The following CCDC146 variants were observed in gnomAD, a reference collection of about 807,000 sequenced individuals.
CCDC146 encodes coiled-coil domain containing 146.
Under a neutral mutation model 119.3 loss-of-function variants are expected in CCDC146, and 92 were observed. The observed-to-expected ratio is 0.77, with a 90% CI of 0.65 to 0.92. The LOEUF (loss-of-function observed/expected upper bound fraction) is 0.92. Among genes scored for constraint, CCDC146 ranks in the 40% least tolerant of loss-of-function variants. CCDC146 has a pLI of 0.00. For synonymous variants in CCDC146, 372 were observed against 371.8 expected (o/e 1.00, Z -0.01); for missense variants, 1,000 against 1,103.0 (o/e 0.91, Z 1.32).
At chr7:77,230,423 T>C (rs889238502) in intron 2 of CCDC146, among the ~76,000 whole-genome samples, 29 of 152,284 alleles carry the variant, frequency 1.9e-4, no homozygotes, top group African/African-American at 5.3e-4. Context: ...TGGTTTATAT[T>C]GGAATGTCTT....
intron 1 of CCDC146, among the ~76,000 whole-genome samples, chr7:77,127,335 T>C (rs1219497246): frequency 6.6e-6 from 1 of 152,088 alleles, no homozygotes; most frequent in Non-Finnish European, 1.5e-5. Flanking sequence ...GATCTACAGC[T>C]GCAGTTTGGG....
At chr7:77,213,256 A>C (rs1337530500) in intron 2 of CCDC146, among the ~76,000 whole-genome samples, 1 of 150,388 alleles carries the variant, frequency 6.6e-6, no homozygotes, top group Non-Finnish European at 1.5e-5. Flanking sequence ...TGCTTGACTA[A>C]TTTTTTTTTA....
chr7:77,222,313 C>T (rs1040825295), intron 2 of CCDC146, among the ~76,000 whole-genome samples: 21 of 152,154 alleles, frequency 1.4e-4, no homozygotes, highest in East Asian at 3.9e-4. Context: ...GAAGGGCACT[C>T]GGGGATGCCT....
At chr7:77,249,453 A>T (rs1209991741) in intron 4 of CCDC146, among the ~76,000 whole-genome samples, 1 of 145,244 alleles carries the variant, frequency 6.9e-6, no homozygotes, top group Non-Finnish European at 1.5e-5. Context: ...GCACCACTGC[A>T]CTCCAGCCTG....
chr7:77,199,887 G>A, intron 2 of CCDC146: 4 of 1,427,896 alleles, frequency 2.8e-6, no homozygotes, highest in Non-Finnish European at 3.8e-6. Context: ...GTGTTCCCAG[G>A]AAAGGGTGGG....
rs749564425 is a variant in CCDC146, at chr7:77,286,843, G to T, written c.2194G>T (p.Val732Leu). Residue 732 changes from valine to leucine, a missense_variant, in exon 16 of 19, where the codon GTA (valine) becomes TTA (leucine). By Grantham distance (32) the Val-to-Leu change is conservative. Transcript: ENST00000285871. ...DRIKDLEKQF[V>L]KPDGENRARF... ...AATTAAAGACCTGGAGAAACAGTTC[G>T]TAAAGCCTGATGGTGAGAATAGAGC... 3 of 1,613,796 alleles carry T rather than the reference G, an allele frequency of 1.9e-6. No individual in the cohort carries two copies. The highest frequency in any genetic ancestry group is 2.5e-6 in the Non-Finnish European group (3 of 1,179,676).
At chr7:77,258,649 T>G (rs1249203099) in intron 6 of CCDC146, among the ~76,000 whole-genome samples, 1 of 152,140 alleles carries the variant, frequency 6.6e-6, no homozygotes, top group Non-Finnish European at 1.5e-5. Context: ...TTTCAGTAGG[T>G]TAGGTGTATT....
At chr7:77,138,549 TA>T (rs1254221796) in intron 1 of CCDC146, among the ~76,000 whole-genome samples, 1 of 152,148 alleles carries the variant, frequency 6.6e-6, no homozygotes, top group Non-Finnish European at 1.5e-5. Context: ...CACTGAAATT[TA>T]AAAGTTCTGC....
intron 2 of CCDC146, among the ~76,000 whole-genome samples, chr7:77,204,708 A>G (rs1442048078): frequency 1.3e-5 from 2 of 152,242 alleles, no homozygotes; most frequent in African/African-American, 4.8e-5. Context: ...ATACCTATCA[A>G]CAAAATCAAT....
At chr7:77,268,552 C>T (rs890386420) in intron 9 of CCDC146, among the ~76,000 whole-genome samples, 3 of 152,278 alleles carry the variant, frequency 2.0e-5, no homozygotes, top group African/African-American at 7.2e-5. Context: ...ACCTCTCTTC[C>T]GACTCTATTT....
At chr7:77,155,186 A>C (rs2537372) in intron 1 of CCDC146, among the ~76,000 whole-genome samples, 1 of 152,228 alleles carries the variant, frequency 6.6e-6, no homozygotes, top group Admixed American at 6.5e-5. Context: ...ATTATTGTGG[A>C]TATAAGAACA....
chr7:77,250,991 G>GTGTGTT (rs1259033018), intron 4 of CCDC146, among the ~76,000 whole-genome samples: 1 of 135,680 alleles, frequency 7.4e-6, no homozygotes, highest in African/African-American at 3.2e-5. Flanking sequence ...GTGTGTGTGT[G>GTGTGTT]TGTGTGTGTG....
chr7:77,270,381 T>A (rs991316241), intron 9 of CCDC146, among the ~76,000 whole-genome samples: 1 of 152,084 alleles, frequency 6.6e-6, no homozygotes, highest in African/African-American at 2.4e-5. Context: ...AATAAATACA[T>A]TTTTAAATGT....
intron 6 of CCDC146, among the ~76,000 whole-genome samples, chr7:77,258,305 G>A (rs2150511353): frequency 6.6e-6 from 1 of 152,256 alleles, no homozygotes; most frequent in African/African-American, 2.4e-5. Flanking sequence ...ATGGAGAGGA[G>A]ATTAAGCATG....
rs553022277 is a variant in CCDC146, at chr7:77,245,904, C to T, written c.449+4004C>T. ...AAAAAAGTTTGCTCTTCTGTGGCAA[C>T]AAATATCTTAAAAGAACTAACTTAG... On this transcript the variant is annotated intron_variant, in intron 4 of 18. Transcript: ENST00000285871. Among the ~76,000 whole-genome samples, 9 of 151,374 alleles carry T rather than the reference C, an allele frequency of 5.9e-5. No homozygotes were observed. In the South Asian group the frequency reaches 1.9e-3, roughly 32 times the overall value.
intron 4 of CCDC146, among the ~76,000 whole-genome samples, chr7:77,243,534 A>G (rs1006660882): frequency 6.6e-6 from 1 of 152,224 alleles, no homozygotes; most frequent in Non-Finnish European, 1.5e-5. Flanking sequence ...ACAGTCATGC[A>G]CCACATAATG....
chr7:77,133,193 C>A (rs527325398), intron 1 of CCDC146, among the ~76,000 whole-genome samples: 65 of 151,772 alleles, frequency 4.3e-4, no homozygotes, highest in African/African-American at 1.6e-3. Context: ...TTTTTTTTGG[C>A]AAAACTCAGT....
At chr7:77,129,703 C>G (rs1584011234) in intron 1 of CCDC146, among the ~76,000 whole-genome samples, 2 of 152,006 alleles carry the variant, frequency 1.3e-5, no homozygotes, top group South Asian at 2.1e-4. Context: ...TTGAACCCCC[C>G]CAGCGAATTT....
At chr7:77,276,957 G>A (rs567214901) in intron 11 of CCDC146, among the ~76,000 whole-genome samples, 13 of 152,116 alleles carry the variant, frequency 8.5e-5, no homozygotes, top group South Asian at 6.2e-4. Context: ...CTGTAATCCC[G>A]GCTACTCAGG....
Sources: allele counts gnomAD v4.1 joint callset (sites outside exome capture counted in the v4.1 genomes callset), GRCh38; gene constraint gnomAD v4.1.1; transcripts MANE v1.5; gene names NCBI Gene and HGNC (gene_info 2026-07-23, HGNC 2026-07-21).